KCNH1: variants seen among roughly 807,000 people sequenced by gnomAD.
KCNH1 encodes potassium voltage-gated channel subfamily H member 1, also known as voltage-gated delayed rectifier potassium channel KCNH1.
Under a neutral mutation model 69.2 loss-of-function variants are expected in KCNH1, and 27 were observed. That is an observed-to-expected ratio of 0.39 (90% CI 0.29 to 0.54). The LOEUF is 0.54. KCNH1 is among the 20% of genes least tolerant of loss of function. The probability of loss-of-function intolerance (pLI) is 0.68; values close to 1 mark genes in which losing one functional copy is unlikely to be tolerated. For synonymous variants in KCNH1, 456 were observed against 487.7 expected (o/e 0.93, Z 0.86); for missense variants, 798 against 1,261.6 (o/e 0.63, Z 5.57).
chr1:211,034,901 G>A (rs532690159), intron 5 of KCNH1, among the ~76,000 whole-genome samples: 1 of 152,226 alleles, frequency 6.6e-6, no homozygotes, highest in Non-Finnish European at 1.5e-5. Flanking sequence ...CAAATCCTCA[G>A]GAGGAAATGC....
At chr1:211,109,803 A>C (rs1691424577) in intron 1 of KCNH1, among the ~76,000 whole-genome samples, 1 of 152,104 alleles carries the variant, frequency 6.6e-6, no homozygotes, top group Non-Finnish European at 1.5e-5. Flanking sequence ...TATTATAGGA[A>C]ACAGAGAAGA....
intron 3 of KCNH1, among the ~76,000 whole-genome samples, chr1:211,097,449 T>C (rs1691177821): frequency 6.6e-6 from 1 of 151,994 alleles, no homozygotes; most frequent in Non-Finnish European, 1.5e-5. Flanking sequence ...AAAAAAAAAG[T>C]TTAAAAAGTT....
intron 6 of KCNH1, among the ~76,000 whole-genome samples, chr1:210,962,988 C>T (rs781570358): frequency 4.6e-5 from 7 of 150,974 alleles, no homozygotes; most frequent in Non-Finnish European, 1.0e-4. Context: ...ACGTGTTTTG[C>T]CTATTAATTT....
At chr1:210,753,233 G>C (rs1683320199) in intron 10 of KCNH1, among the ~76,000 whole-genome samples, 1 of 152,188 alleles carries the variant, frequency 6.6e-6, no homozygotes, top group African/African-American at 2.4e-5. Flanking sequence ...GGGGACATGG[G>C]AGGGAGATAT....
In KCNH1 at chr1:210,853,664, G is replaced by A. The variant is rs548152912; in HGVS notation, c.1463-49498C>T. Among the ~76,000 whole-genome samples the A allele has an allele frequency of 5.9e-5, 9 of 152,180 alleles. No individual in the cohort carries two copies. The East Asian group carries it at 1.5e-3, about 26-fold the overall frequency. On this transcript the variant is annotated intron_variant, in intron 7 of 10. Coordinates refer to ENST00000271751, the MANE Select transcript of KCNH1 (RefSeq NM_172362.3). ...AAAAGCCACAGTTGGACCTAGCCCA[G>A]GGTCAGAGAAACACAATCCTTGGAA...
intron 10 of KCNH1, among the ~76,000 whole-genome samples, chr1:210,747,337 A>T (rs545156461): frequency 5.1e-4 from 77 of 152,112 alleles, no homozygotes; most frequent in Admixed American, 9.2e-4. Flanking sequence ...GGCAACCGAG[A>T]TAGAAATCAG....
At chr1:210,758,409 G>A (rs1223472935) in intron 10 of KCNH1, among the ~76,000 whole-genome samples, 1 of 152,180 alleles carries the variant, frequency 6.6e-6, no homozygotes, top group Admixed American at 6.5e-5. Context: ...AGCAAGACTT[G>A]CAGCCAGAGA....
chr1:210,800,507 C>G (rs1343147), intron 8 of KCNH1, among the ~76,000 whole-genome samples: 92,522 of 152,028 alleles, frequency 0.61, 28,553 homozygotes, highest in African/African-American at 0.64. Flanking sequence ...TTTATTCATG[C>G]GCACTGTTCC....
At chr1:210,753,899 T>C (rs563339163) in intron 10 of KCNH1, among the ~76,000 whole-genome samples, 121 of 150,768 alleles carry the variant, frequency 8.0e-4, no homozygotes, top group African/African-American at 2.8e-3. Flanking sequence ...AGCTTACAAA[T>C]ATCAGACTAA....
intron 7 of KCNH1, among the ~76,000 whole-genome samples, chr1:210,906,469 AAGT>A (rs1318530415): frequency 6.6e-6 from 1 of 152,088 alleles, no homozygotes; most frequent in Non-Finnish European, 1.5e-5. Flanking sequence ...TCTCAGGATC[AAGT>A]ACTGGAGAGA....
intron 1 of KCNH1, among the ~76,000 whole-genome samples, chr1:211,118,615 T>G (rs775770022): frequency 6.6e-6 from 1 of 152,188 alleles, no homozygotes; most frequent in Non-Finnish European, 1.5e-5. Context: ...AAACATTCTC[T>G]AAAAATTTAA....
At chr1:210,689,758 C>T (rs1398747391) in intron 10 of KCNH1, among the ~76,000 whole-genome samples, 2 of 152,232 alleles carry the variant, frequency 1.3e-5, no homozygotes, top group Non-Finnish European at 2.9e-5. Flanking sequence ...TTGGTTGTAT[C>T]AGATCAATGG....
chr1:210,979,160 G>C (rs1164157646), intron 6 of KCNH1, among the ~76,000 whole-genome samples: 1 of 152,194 alleles, frequency 6.6e-6, no homozygotes, highest in East Asian at 1.9e-4. Flanking sequence ...CAACACAGCT[G>C]CTAGTCCTCA....
intron 5 of KCNH1, among the ~76,000 whole-genome samples, chr1:211,058,952 C>A (rs557823801): frequency 2.0e-5 from 3 of 152,192 alleles, no homozygotes; most frequent in South Asian, 2.1e-4. Context: ...ATACTTATAT[C>A]GGACTAAATA....
intron 5 of KCNH1, among the ~76,000 whole-genome samples, chr1:211,077,229 G>A (rs765497981): frequency 5.9e-5 from 9 of 152,212 alleles, no homozygotes; most frequent in Non-Finnish European, 1.2e-4. Flanking sequence ...AGCGAGACAG[G>A]CCAACATTCA....
At chr1:210,759,156 G>GACACACACACACACACACACACACACAC (rs60773247) in intron 10 of KCNH1, among the ~76,000 whole-genome samples, 106 of 148,588 alleles carry the variant, frequency 7.1e-4, no homozygotes, top group African/African-American at 2.3e-3. Context: ...CCAAATGATA[G>GACACACACACACACACACACACACACAC]ACACACACAC....
chr1:210,886,895 T>C (rs887372345), intron 7 of KCNH1, among the ~76,000 whole-genome samples: 2 of 152,086 alleles, frequency 1.3e-5, no homozygotes, highest in Non-Finnish European at 1.5e-5. Context: ...AGTGGGACTA[T>C]GTGAAAAGAC....
chr1:210,847,416 T>TC (rs1328490632), intron 7 of KCNH1, among the ~76,000 whole-genome samples: 1 of 152,178 alleles, frequency 6.6e-6, no homozygotes, highest in Non-Finnish European at 1.5e-5. Context: ...AATGATGAGT[T>TC]CATGTCCTTT....
intron 7 of KCNH1, among the ~76,000 whole-genome samples, chr1:210,853,965 A>AG (rs1473171782): frequency 2.6e-4 from 39 of 150,704 alleles, no homozygotes; most frequent in Non-Finnish European, 5.6e-4. Flanking sequence ...AAAAAAAAAA[A>AG]AAAGAAACCA....
Sources: gnomAD v4.1 joint callset for allele counts (sites outside exome capture counted in the v4.1 genomes callset) on GRCh38, gnomAD v4.1.1 for gene constraint, MANE v1.5 for transcripts, NCBI Gene and HGNC (gene_info 2026-07-23, HGNC 2026-07-21) for gene names.